Variants in MAP4K3 observed in about 807,000 individuals in gnomAD.
MAP4K3 encodes MAPK/ERK kinase kinase kinase 3.
MAP4K3 carries 94 observed loss-of-function variants against 143.5 expected under a neutral mutation model. That is an observed-to-expected ratio of 0.65 (90% CI 0.55 to 0.78). The LOEUF is 0.78. Ranked by LOEUF, MAP4K3 falls within the 30% of genes least tolerant of loss-of-function variation. The pLI, the probability that MAP4K3 is intolerant of heterozygous loss-of-function variation, is 0.00. For missense variants in MAP4K3, 1,077 were observed against 1,068.1 expected, an observed-to-expected ratio of 1.01 and a Z score of -0.12; for synonymous variants, 416 against 347.2, an observed-to-expected ratio of 1.20 and a Z score of -2.20.
At chr2:39,390,720 C>G (rs1399930988) in intron 1 of MAP4K3, among the ~76,000 whole-genome samples, 3 of 151,430 alleles carry the variant, frequency 2.0e-5, no homozygotes, top group Admixed American at 6.6e-5. Context: ...GAAGAAAAAG[C>G]ACTTTTCTAA....
chr2:39,394,044 G>A (rs1241829076), intron 1 of MAP4K3, among the ~76,000 whole-genome samples: 1 of 151,976 alleles, frequency 6.6e-6, no homozygotes, highest in African/African-American at 2.4e-5. Flanking sequence ...GCTCCATCAA[G>A]GCTTTGAACA....
intron 28 of MAP4K3, 158 bp from the exon 29 acceptor site, chr2:39,260,935 C>T (rs1460472961): frequency 1.8e-6 from 1 of 568,178 alleles, no homozygotes; most frequent in Non-Finnish European, 3.1e-6. Flanking sequence ...CTTTTATAAA[C>T]ATTTTAGGTT....
chr2:39,278,315 G>T, intron 24 of MAP4K3, 92 bp downstream of exon 24: 3 of 663,972 alleles, frequency 4.5e-6, no homozygotes, highest in Non-Finnish European at 7.5e-6. Context: ...AAAAGAGGCA[G>T]CAAGTCATGA....
rs149092314 is a variant in MAP4K3, at chr2:39,252,359, G to A, written c.2542-474C>T. 2.5e-3 allele frequency among the ~76,000 whole-genome samples: 378 copies of A among 152,296 alleles called. 4 individuals carry two copies. Among genetic ancestry groups the A allele is most frequent in the African/African-American group, 8.5e-3 (354 of 41,564 alleles). On this transcript the variant is annotated intron_variant, in intron 32 of 33. Transcript: ENST00000263881. ...ACTTACTGGGCAACGTATGTAATCC[G>A]CTAGAAATGGTTTTGCCTTATGCAA... is the stretch of plus-strand genomic sequence containing the variant.
chr2:39,386,998 C>T (rs1413663070), intron 1 of MAP4K3, among the ~76,000 whole-genome samples: 1 of 151,914 alleles, frequency 6.6e-6, no homozygotes, highest in African/African-American at 2.4e-5. Context: ...ATTTTCAGTA[C>T]AGATGGAGTT....
intron 13 of MAP4K3, among the ~76,000 whole-genome samples, chr2:39,314,037 CT>C (rs1055660834): frequency 2.7e-5 from 4 of 150,330 alleles, no homozygotes; most frequent in Admixed American, 1.3e-4. Flanking sequence ...CCTCTAATTA[CT>C]TTTTTTTTTC....
intron 2 of MAP4K3, among the ~76,000 whole-genome samples, chr2:39,361,256 T>TA (rs1228341782): frequency 6.6e-6 from 1 of 152,084 alleles, no homozygotes; most frequent in Non-Finnish European, 1.5e-5. Flanking sequence ...AATATGATAT[T>TA]ATAATAATAT....
intron 26 of MAP4K3, 39 bp from the exon 27 acceptor site, chr2:39,267,286 C>T: frequency 1.3e-6 from 2 of 1,481,670 alleles, no homozygotes; most frequent in Non-Finnish European, 1.9e-6. Flanking sequence ...TATATGTAGG[C>T]AAACTTAGTA....
intron 32 of MAP4K3, 70 bp downstream of exon 32, chr2:39,254,380 T>C (rs1409580479): frequency 8.3e-7 from 1 of 1,204,336 alleles, no homozygotes; most frequent in Non-Finnish European, 1.2e-6. Context: ...TTGTATCATT[T>C]AGGAATCGAA....
At chr2:39,318,593 C>T (rs1683196752) in intron 12 of MAP4K3, among the ~76,000 whole-genome samples, 1 of 152,004 alleles carries the variant, frequency 6.6e-6, no homozygotes, top group Admixed American at 6.6e-5. Flanking sequence ...TAGAGAAGCA[C>T]TGATGAAAAT....
chr2:39,373,043 A>T (rs558567029), intron 2 of MAP4K3, among the ~76,000 whole-genome samples: 32 of 152,336 alleles, frequency 2.1e-4, no homozygotes, highest in African/African-American at 6.7e-4. Flanking sequence ...TACTCATCTG[A>T]CAAGGGATTA....
At chr2:39,413,315 C>T (rs945110091) in intron 1 of MAP4K3, among the ~76,000 whole-genome samples, 4 of 152,102 alleles carry the variant, frequency 2.6e-5, no homozygotes, top group African/African-American at 9.7e-5. Flanking sequence ...GAATCACACA[C>T]ATTTACCTAA....
At chr2:39,259,378 A>G (rs1680472446) in intron 29 of MAP4K3, among the ~76,000 whole-genome samples, 1 of 152,178 alleles carries the variant, frequency 6.6e-6, no homozygotes, top group South Asian at 2.1e-4. Context: ...TGAATGCTCA[A>G]GTCTGGTAAT....
At chr2:39,399,382 C>T (rs1202002751) in intron 1 of MAP4K3, among the ~76,000 whole-genome samples, 2 of 152,126 alleles carry the variant, frequency 1.3e-5, no homozygotes, top group African/African-American at 4.8e-5. Flanking sequence ...TAAGGTAGTG[C>T]GCAGCAGCCT....
At chr2:39,364,008 A>AG (rs1255746348) in intron 2 of MAP4K3, among the ~76,000 whole-genome samples, 29 of 151,722 alleles carry the variant, frequency 1.9e-4, no homozygotes, top group Admixed American at 3.3e-4. Context: ...AAAAAAAAAA[A>AG]AAGAAGACAA....
rs1014336903 is a variant in MAP4K3, at chr2:39,258,437, C to G, written c.2381G>C (p.Cys794Ser). 2 of 1,607,790 alleles carry G rather than the reference C, an allele frequency of 1.2e-6. No homozygotes were observed. The highest frequency in any genetic ancestry group is 1.7e-6 in the Non-Finnish European group (2 of 1,175,430). ...TCCTTGGAGATTTACTATTTTTATACAACCTAGAGGAAAAAAAGTCACTCA... is the reference window on the plus strand; with the variant it reads ...TCCTTGGAGATTTACTATTTTTATAGAACCTAGAGGAAAAAAAGTCACTCA... Reference protein sequence around the residue: ...RDTILVCLDCCIKIVNLQGRL... With the variant: ...RDTILVCLDCSIKIVNLQGRL... The change falls in exon 31 of 34, where the codon TGT (cysteine) becomes TCT (serine). Residue 794 changes from cysteine to serine, a missense_variant. Physicochemically the swap from Cys to Ser is moderately radical, Grantham distance 112. This residue lies in a region of MAP4K3 where 864 missense variants were observed against 801.2 expected (regional missense o/e 1.08). Transcript: ENST00000263881.
chr2:39,377,607 TG>T (rs1558675787), intron 2 of MAP4K3, among the ~76,000 whole-genome samples: 1 of 152,092 alleles, frequency 6.6e-6, no homozygotes, highest in East Asian at 1.9e-4. Context: ...AAATACAGAA[TG>T]TGGAAGCTAG....
At chr2:39,277,696 T>A (rs143963912) in intron 24 of MAP4K3, among the ~76,000 whole-genome samples, 2 of 151,946 alleles carry the variant, frequency 1.3e-5, no homozygotes, top group Non-Finnish European at 2.9e-5. Flanking sequence ...TTCGAAGCAG[T>A]TGGGATTATA....
chr2:39,329,401 A>G (rs1157555597), intron 8 of MAP4K3, among the ~76,000 whole-genome samples: 1 of 152,202 alleles, frequency 6.6e-6, no homozygotes, highest in Non-Finnish European at 1.5e-5. Flanking sequence ...CACACAGACT[A>G]AAAACAGAAG....
Sources: allele counts gnomAD v4.1 joint callset (sites outside exome capture counted in the v4.1 genomes callset), GRCh38; gene constraint gnomAD v4.1.1; regional missense constraint gnomAD v4.1.1; transcripts MANE v1.5; gene names NCBI Gene and HGNC (gene_info 2026-07-23, HGNC 2026-07-21).